Variants in IQCK observed in about 807,000 individuals in gnomAD.
The protein encoded by IQCK is IQ motif containing K.
In IQCK, 29 loss-of-function variants were observed where a neutral mutation model predicts 28.1. The observed-to-expected ratio is 1.03, with a 90% CI of 0.77 to 1.41. The LOEUF (loss-of-function observed/expected upper bound fraction) is 1.41. IQCK is among the 40% of genes most tolerant of loss of function. IQCK has a pLI of 0.00. For missense variants in IQCK, 359 were observed against 314.7 expected, an observed-to-expected ratio of 1.14 and a Z score of -1.07; for synonymous variants, 113 against 115.1, an observed-to-expected ratio of 0.98 and a Z score of 0.12.
At chr16:19,762,309 G>C (rs185152519) in intron 4 of IQCK, among the ~76,000 whole-genome samples, 1 of 152,206 alleles carries the variant, frequency 6.6e-6, no homozygotes, top group Non-Finnish European at 1.5e-5. Flanking sequence ...GGGGTGTCTC[G>C]TGAAGGTGGC....
At chr16:19,847,351 A>T (rs1184493862) in intron 9 of IQCK, among the ~76,000 whole-genome samples, 1 of 152,102 alleles carries the variant, frequency 6.6e-6, no homozygotes, top group Non-Finnish European at 1.5e-5. Flanking sequence ...TTGAGGTGGC[A>T]CTCACATACA....
chr16:19,848,479 G>A (rs901555332), intron 9 of IQCK, among the ~76,000 whole-genome samples: 34 of 152,150 alleles, frequency 2.2e-4, no homozygotes, highest in Non-Finnish European at 2.9e-5. Context: ...GATAAGTAAC[G>A]TTCAGATGAG....
intron 6 of IQCK, among the ~76,000 whole-genome samples, chr16:19,774,939 A>G (rs2055369309): frequency 6.6e-6 from 1 of 152,118 alleles, no homozygotes; most frequent in South Asian, 2.1e-4. Context: ...AAGAATTTTT[A>G]AGGCCGGGCG....
At chr16:19,836,052 A>T (rs1047219729) in intron 9 of IQCK, among the ~76,000 whole-genome samples, 1 of 152,232 alleles carries the variant, frequency 6.6e-6, no homozygotes, top group Admixed American at 6.5e-5. Context: ...GGATGATGTC[A>T]TCTTTGTGCT....
intron 9 of IQCK, among the ~76,000 whole-genome samples, chr16:19,852,813 G>A (rs572290027): frequency 2.1e-4 from 32 of 151,962 alleles, no homozygotes; most frequent in Non-Finnish European, 3.2e-4. Context: ...TAGTAGAGAC[G>A]GGGTTTCACC....
chr16:19,814,303 G>T (rs1485195922), intron 7 of IQCK, among the ~76,000 whole-genome samples: 1 of 151,450 alleles, frequency 6.6e-6, no homozygotes, highest in African/African-American at 2.4e-5. Flanking sequence ...TACTCAGGAG[G>T]CTGAGACAGG....
chr16:19,852,462 T>C (rs1479869210), intron 9 of IQCK, among the ~76,000 whole-genome samples: 2 of 151,928 alleles, frequency 1.3e-5, no homozygotes, highest in Non-Finnish European at 2.9e-5. Context: ...TTTAAAGCTC[T>C]TCCCCCATGA....
At chr16:19,782,170 C>T (rs1179585970) in intron 6 of IQCK, among the ~76,000 whole-genome samples, 3 of 151,960 alleles carry the variant, frequency 2.0e-5, no homozygotes, top group Non-Finnish European at 2.9e-5. Flanking sequence ...TTGTAAATGG[C>T]TTTACATCCG....
intron 9 of IQCK, among the ~76,000 whole-genome samples, chr16:19,841,316 G>A (rs1042561974): frequency 2.0e-5 from 3 of 152,146 alleles, no homozygotes; most frequent in Admixed American, 2.0e-4. Context: ...TTTTGCATGA[G>A]CCCTACTGTT....
intron 7 of IQCK, chr16:19,819,525 C>G (rs1214610212): frequency 6.5e-6 from 1 of 153,692 alleles, no homozygotes; most frequent in East Asian, 1.9e-4. Flanking sequence ...GGGCAAATCT[C>G]TTTGGATCGC....
intron 4 of IQCK, among the ~76,000 whole-genome samples, chr16:19,744,788 A>C (rs551475212): frequency 1.3e-5 from 2 of 152,374 alleles, no homozygotes; most frequent in South Asian, 4.1e-4. Flanking sequence ...GGGTGCTAGC[A>C]GTATTTTATA....
At chr16:19,735,599 C>T in intron 4 of IQCK, 149 bp downstream of exon 4, 4 of 652,930 alleles carry the variant, frequency 6.1e-6, no homozygotes, top group Non-Finnish European at 1.1e-5. Context: ...TTACCCAGTT[C>T]CAGCCACACC....
At chr16:19,822,326 C>T (rs1173126218) in intron 7 of IQCK, among the ~76,000 whole-genome samples, 1 of 136,708 alleles carries the variant, frequency 7.3e-6, no homozygotes, top group Non-Finnish European at 1.5e-5. Context: ...GCAGAGGTTG[C>T]AGTGAGCTGA....
At chr16:19,839,412 C>T (rs1231590670) in intron 9 of IQCK, among the ~76,000 whole-genome samples, 8 of 152,030 alleles carry the variant, frequency 5.3e-5, no homozygotes, top group Non-Finnish European at 1.2e-4. Flanking sequence ...CCACCCTCCT[C>T]GGCTTCCCAA....
At chr16:19,846,048 G>A (rs2056412334) in intron 9 of IQCK, among the ~76,000 whole-genome samples, 1 of 152,176 alleles carries the variant, frequency 6.6e-6, no homozygotes, top group Admixed American at 6.5e-5. Flanking sequence ...CTGCACTCCA[G>A]CCTGGGCAAT....
At chr16:19,814,545 A>G (rs1440533979) in intron 7 of IQCK, among the ~76,000 whole-genome samples, 2 of 152,140 alleles carry the variant, frequency 1.3e-5, no homozygotes, top group East Asian at 3.8e-4. Context: ...CATAAATACA[A>G]ACATATCACT....
At chr16:19,845,390 T>C (rs1336840041) in intron 9 of IQCK, among the ~76,000 whole-genome samples, 1 of 152,236 alleles carries the variant, frequency 6.6e-6, no homozygotes. Context: ...CCTGGGATAT[T>C]TCTAAAGGTT....
rs1456136791 is a variant in IQCK at position 19,737,397 on chromosome 16, C to G, written c.474+1947C>G. Among the ~76,000 whole-genome samples the G allele has an allele frequency of 2.6e-5, 4 of 152,242 alleles. No homozygotes were observed. The East Asian group carries it at 7.7e-4, about 29-fold the overall frequency. ...AATACCCGATGTTTCCTCAGCAATG[C>G]CTTCACAGTATCCTGCCCCACTTGC... is the stretch of plus-strand genomic sequence containing the variant. On this transcript the variant is annotated intron_variant, in intron 4 of 7. Transcript: ENST00000564186.
intron 4 of IQCK, among the ~76,000 whole-genome samples, chr16:19,758,994 A>G (rs1319042308): frequency 1.3e-5 from 2 of 152,340 alleles, no homozygotes; most frequent in East Asian, 3.9e-4. Flanking sequence ...AAAAAAAATT[A>G]TGGAAACATT....
Sources: gnomAD v4.1 joint callset for allele counts (sites outside exome capture counted in the v4.1 genomes callset) on GRCh38, gnomAD v4.1.1 for gene constraint, MANE v1.5 for transcripts, NCBI Gene and HGNC (gene_info 2026-07-23, HGNC 2026-07-21) for gene names.